Variants in PACRG observed in about 807,000 individuals in gnomAD.
PACRG encodes parkin coregulated gene protein.
A neutral mutation model predicts 29.7 loss-of-function variants in PACRG; 29 were observed. That is an observed-to-expected ratio of 0.98 (90% confidence interval 0.73 to 1.33). The LOEUF is 1.33. Among genes scored for constraint, PACRG ranks in the 40% most tolerant of loss-of-function variants. The pLI, the probability that PACRG is intolerant of heterozygous loss-of-function variation, is 0.00. For synonymous variants in PACRG, 116 were observed against 118.7 expected, an observed-to-expected ratio of 0.98 and a Z score of 0.15; for missense variants, 279 against 316.2, an observed-to-expected ratio of 0.88 and a Z score of 0.89.
intron 3 of PACRG, among the ~76,000 whole-genome samples, chr6:163,078,862 C>T (rs1054653002): frequency 2.0e-5 from 3 of 152,162 alleles, no homozygotes; most frequent in African/African-American, 4.8e-5. Flanking sequence ...GCAGGTGTCT[C>T]GAATGCCTGC....
In PACRG at chr6:162,752,702, G is replaced by A. The variant is rs188590014; in HGVS notation, c.156+24311G>A. Among the ~76,000 whole-genome samples, 85 of 152,264 alleles carry A rather than the reference G, an allele frequency of 5.6e-4. 1 individual carries two copies. The highest frequency in any genetic ancestry group is 3.5e-3 in the Admixed American group (53 of 15,282). ...ACTTTAGCTCTAGAGTGTTGAGGACGAGAATAATGTTGTAGTTACTTTAGT... is the reference window on the plus strand; with the variant it reads ...ACTTTAGCTCTAGAGTGTTGAGGACAAGAATAATGTTGTAGTTACTTTAGT... On this transcript the variant is annotated intron_variant, in intron 1 of 4. Coordinates refer to ENST00000366888, the MANE Select transcript of PACRG (RefSeq NM_001080379.2).
intron 2 of PACRG, among the ~76,000 whole-genome samples, chr6:163,006,338 G>A (rs1005591308): frequency 6.7e-6 from 1 of 150,192 alleles, no homozygotes; most frequent in Admixed American, 6.6e-5. Flanking sequence ...TTATGAACAC[G>A]AATATGTTCT....
chr6:162,867,932 C>T (rs1792440669), intron 2 of PACRG, among the ~76,000 whole-genome samples: 1 of 152,146 alleles, frequency 6.6e-6, no homozygotes, highest in Admixed American at 6.5e-5. Context: ...GGCTCTTGGA[C>T]GATTCTCAGA....
chr6:162,875,051 ACT>A, intron 2 of PACRG, among the ~76,000 whole-genome samples: 1 of 152,230 alleles, frequency 6.6e-6, no homozygotes. Context: ...ATGCTTTCAC[ACT>A]CACACATGCA....
At chr6:163,095,340 C>G in intron 4 of PACRG, 1 of 985,394 alleles carries the variant, frequency 1.0e-6, no homozygotes, top group East Asian at 1.1e-4. Flanking sequence ...GTAGACCTCC[C>G]TGGTTGCGCC....
At chr6:162,883,892 CAT>C (rs1794113266) in intron 2 of PACRG, among the ~76,000 whole-genome samples, 1 of 126,808 alleles carries the variant, frequency 7.9e-6, no homozygotes, top group Admixed American at 8.2e-5. Context: ...GTGATTGACA[CAT>C]AGACTGCTCT....
intron 1 of PACRG, among the ~76,000 whole-genome samples, chr6:162,740,445 G>A (rs147105776): frequency 0.014 from 2,180 of 151,164 alleles, 59 homozygotes; most frequent in African/African-American, 0.051. Flanking sequence ...TGAATAGCTG[G>A]GACTACAGGC....
At position 162,728,046 on chromosome 6, in the gene PACRG, C is replaced by T. The variant is rs1028457285; in HGVS notation, c.-190C>T. The T allele has an allele frequency of 8.3e-6, 6 of 722,210 alleles. No homozygotes were observed. Among genetic ancestry groups the T allele is most frequent in the African/African-American group, 5.3e-5 (3 of 56,734 alleles). 44.7% of individuals were successfully genotyped at this position (722,210 alleles called of 1,614,324 possible). A position where few individuals can be genotyped will look rare whatever the true frequency, so the allele number is the denominator to read the frequency against. On this transcript the variant is annotated 5_prime_UTR_variant, in exon 1 of 5. Coordinates refer to ENST00000366888, the MANE Select transcript of PACRG (RefSeq NM_001080379.2). Reference sequence around the variant, plus strand: ...CCAAGGTCCTGCCCTCTTCCCGCCCCGCCCCTAGGGTCCAGCTCCCTTCAC... The same window carrying T: ...CCAAGGTCCTGCCCTCTTCCCGCCCTGCCCCTAGGGTCCAGCTCCCTTCAC...
chr6:162,975,123 C>T lies in PACRG; in HGVS notation c.292-87027C>T, dbSNP rs764764424. 1.4e-4 allele frequency among the ~76,000 whole-genome samples: 21 copies of T among 152,164 alleles called. 1 individual carries two copies. The highest frequency in any genetic ancestry group is 7.2e-4 in the Admixed American group (11 of 15,278). On this transcript the variant is annotated intron_variant, in intron 2 of 4. Transcript: ENST00000366888. ...TGTTGTGTTCTCTCTGCCTTCTTGT[C>T]TGGACAATGCCTACCAAGGTATCCA... is the stretch of plus-strand genomic sequence containing the variant.
intron 2 of PACRG, among the ~76,000 whole-genome samples, chr6:162,928,035 C>A (rs2128102690): frequency 6.6e-6 from 1 of 152,048 alleles, no homozygotes; most frequent in African/African-American, 2.4e-5. Context: ...TAATGCTGGC[C>A]TCATAGAATG....
intron 2 of PACRG, among the ~76,000 whole-genome samples, chr6:162,901,526 T>TTAGC (rs1189443702): frequency 6.6e-6 from 1 of 152,200 alleles, no homozygotes; most frequent in Non-Finnish European, 1.5e-5. Context: ...ACTCGATTGT[T>TTAGC]TAGCTGTATC....
intron 4 of PACRG, among the ~76,000 whole-genome samples, chr6:163,256,670 G>A (rs946302390): frequency 6.6e-6 from 1 of 152,182 alleles, no homozygotes; most frequent in African/African-American, 2.4e-5. Context: ...GCCAGTGCCC[G>A]AGTGAAGGCA....
intron 2 of PACRG, among the ~76,000 whole-genome samples, chr6:162,851,260 T>G (rs1473552195): frequency 2.0e-5 from 3 of 152,288 alleles, no homozygotes; most frequent in African/African-American, 7.2e-5. Flanking sequence ...TCCTGTCTCC[T>G]TGCCTCCCTT....
At chr6:162,984,050 G>T in intron 2 of PACRG, among the ~76,000 whole-genome samples, 1 of 151,046 alleles carries the variant, frequency 6.6e-6, no homozygotes, top group Non-Finnish European at 1.5e-5. Flanking sequence ...ATAGGTTTTT[G>T]GGAAACGGGT....
intron 3 of PACRG, among the ~76,000 whole-genome samples, chr6:163,067,181 T>C (rs575869416): frequency 2.0e-5 from 3 of 152,236 alleles, no homozygotes; most frequent in African/African-American, 7.2e-5. Flanking sequence ...CCGCGGACCT[T>C]GGTAAAATGC....
At chr6:162,896,636 C>T (rs1248955323) in intron 2 of PACRG, among the ~76,000 whole-genome samples, 4 of 152,136 alleles carry the variant, frequency 2.6e-5, no homozygotes, top group Admixed American at 2.0e-4. Context: ...ATAAACGTAT[C>T]CATGTGTTCA....
chr6:163,074,910 C>G (rs539032629), intron 3 of PACRG, among the ~76,000 whole-genome samples: 1 of 152,096 alleles, frequency 6.6e-6, no homozygotes, highest in South Asian at 2.1e-4. Context: ...GGGAGGATCG[C>G]ATGAGCCCAG....
chr6:162,980,139 A>G (rs969773960), intron 2 of PACRG, among the ~76,000 whole-genome samples: 3 of 151,488 alleles, frequency 2.0e-5, no homozygotes, highest in Non-Finnish European at 4.4e-5. Context: ...TCCCAGTACT[A>G]GTTCTCATCA....
At chr6:163,062,096 G>A (rs779299913) in intron 2 of PACRG, 54 bp from the exon 3 acceptor site, 23 of 1,582,098 alleles carry the variant, frequency 1.5e-5, no homozygotes, top group Non-Finnish European at 1.4e-5. Context: ...CTTGTCTGCC[G>A]TGCTCTGCCC....
Sources: gnomAD v4.1 joint callset for allele counts (sites outside exome capture counted in the v4.1 genomes callset) on GRCh38, gnomAD v4.1.1 for gene constraint, MANE v1.5 for transcripts, NCBI Gene and HGNC (gene_info 2026-07-23, HGNC 2026-07-21) for gene names.